The following ARFGAP3 variants were observed in gnomAD, a reference collection of about 807,000 sequenced individuals.
ARFGAP3 encodes the protein ARF GTPase activating protein 3, also known as ADP-ribosylation factor GTPase-activating protein 3.
In ARFGAP3, 72 loss-of-function variants were observed where a neutral mutation model predicts 75.0. The ratio of observed to expected loss-of-function variants is 0.96; its 90% confidence interval spans 0.79 to 1.17. The LOEUF (loss-of-function observed/expected upper bound fraction) is 1.17, where lower values mean the gene tolerates loss of function less well. Ranked by LOEUF, ARFGAP3 falls within the 50% of genes most tolerant of loss-of-function variation. The pLI is 0.00. For synonymous variants in ARFGAP3, 221 were observed against 217.9 expected, an observed-to-expected ratio of 1.01 and a Z score of -0.13; for missense variants, 620 against 626.6, an observed-to-expected ratio of 0.99 and a Z score of 0.11.
chr22:42,810,302 A>G (rs113279073), intron 12 of ARFGAP3, among the ~76,000 whole-genome samples: 5 of 152,112 alleles, frequency 3.3e-5, no homozygotes, highest in Admixed American at 6.6e-5. Context: ...CGTCTCTACT[A>G]AAAGTACAAA....
At chr22:42,853,895 A>G in intron 1 of ARFGAP3, 1 of 161,510 alleles carries the variant, frequency 6.2e-6, no homozygotes. Flanking sequence ...ACCATGCTGC[A>G]GAGAGCATGA....
intron 3 of ARFGAP3, among the ~76,000 whole-genome samples, chr22:42,837,793 G>C (rs1044319716): frequency 5.6e-5 from 8 of 141,944 alleles, no homozygotes; most frequent in African/African-American, 2.1e-4. Flanking sequence ...TGATTCTTCT[G>C]CCTCAGACTC....
intron 6 of ARFGAP3, among the ~76,000 whole-genome samples, chr22:42,830,415 C>T (rs1314278910): frequency 6.6e-6 from 1 of 152,202 alleles, no homozygotes; most frequent in Non-Finnish European, 1.5e-5. Flanking sequence ...GAAATTTTCT[C>T]AATACCATCA....
Position 42,810,708 on chromosome 22 carries a change from C to G in ARFGAP3, c.1196+105G>C, listed in dbSNP as rs575072705. On this transcript the variant is annotated intron_variant, in intron 12 of 15. Coordinates refer to ENST00000263245, the MANE Select transcript of ARFGAP3 (RefSeq NM_014570.5). The stretch of plus-strand genomic sequence containing the variant: ...TGCTGGGATTATGGGAATGAGCCGC[C>G]GTGCCCAGCCCCTTACAAGGGTTTT... The G allele has an allele frequency of 4.2e-6, 4 of 961,208 alleles. 1 individual carries two copies. In the East Asian group the frequency reaches 9.6e-5, roughly 23 times the overall value. The allele number at this position is 961,208 out of a possible 1,614,324, so 59.5% of individuals were successfully genotyped here.
Position 42,838,456 on chromosome 22 carries a change from C to T in ARFGAP3, c.261+2488G>A, listed in dbSNP as rs139148342. Among the ~76,000 whole-genome samples, 52 of 151,866 alleles carry T rather than the reference C, an allele frequency of 3.4e-4. No homozygotes were observed. In the East Asian group the frequency reaches 9.3e-3, roughly 27 times the overall value. On this transcript the variant is annotated intron_variant, in intron 3 of 15. Coordinates refer to ENST00000263245, the MANE Select transcript of ARFGAP3 (RefSeq NM_014570.5). ...GAGGCTATAGGCAGGTTCCACTATG[C>T]CTTGCTAATTTTTAAGTCTTTTGTA... is the stretch of plus-strand genomic sequence containing the variant.
At chr22:42,839,316 T>G (rs1926676009) in intron 3 of ARFGAP3, among the ~76,000 whole-genome samples, 2 of 151,656 alleles carry the variant, frequency 1.3e-5, no homozygotes, top group Non-Finnish European at 2.9e-5. Flanking sequence ...ATGGGTTTTT[T>G]GGTCGGGTGC....
rs936654159 is a variant in ARFGAP3, at chr22:42,827,547, G to A, written c.566-548C>T. 3.2e-4 allele frequency among the ~76,000 whole-genome samples: 48 copies of A among 152,126 alleles called. 1 individual carries two copies. Among genetic ancestry groups the A allele is most frequent in the African/African-American group, 1.2e-3 (48 of 41,428 alleles). ...ATGCCCGGCTAATTTTGTATTTTTA[G>A]TAGAGATGGGGTTTCTCCATGTTGG... On this transcript the variant is annotated intron_variant, in intron 6 of 15. Transcript: ENST00000263245.
chr22:42,801,041 G>A (rs1924832218), intron 14 of ARFGAP3, among the ~76,000 whole-genome samples: 1 of 152,196 alleles, frequency 6.6e-6, no homozygotes, highest in Non-Finnish European at 1.5e-5. Context: ...ACTAAAGTGT[G>A]ACCTGTGTCA....
chr22:42,822,608 C>A (rs6002958), intron 8 of ARFGAP3, 199 bp from the exon 9 acceptor site: 4,048 of 197,284 alleles, frequency 0.021, 148 homozygotes, highest in Admixed American at 0.094. Context: ...TTTCACGACC[C>A]TGTGGATAAC....
chr22:42,840,804 C>T, intron 3 of ARFGAP3, 140 bp downstream of exon 3: 1 of 857,814 alleles, frequency 1.2e-6, no homozygotes, highest in East Asian at 2.7e-5. Context: ...CAGTGATCCT[C>T]CCAAACGCCT....
chr22:42,840,070 A>G (rs1926710791), intron 3 of ARFGAP3, among the ~76,000 whole-genome samples: 1 of 152,058 alleles, frequency 6.6e-6, no homozygotes, highest in South Asian at 2.1e-4. Flanking sequence ...AGCTGGGACT[A>G]CAGGTATGCA....
chr22:42,851,969 T>C (rs1927294504), intron 1 of ARFGAP3, among the ~76,000 whole-genome samples: 1 of 152,202 alleles, frequency 6.6e-6, no homozygotes, highest in African/African-American at 2.4e-5. Flanking sequence ...CAGGGCCAGC[T>C]TCCTGGGCAT....
At chr22:42,824,989 C>A (rs1925976223) in intron 7 of ARFGAP3, among the ~76,000 whole-genome samples, 1 of 152,238 alleles carries the variant, frequency 6.6e-6, no homozygotes, top group Non-Finnish European at 1.5e-5. Flanking sequence ...TGGCCTCCAG[C>A]CATGTTGCTG....
chr22:42,840,383 C>G (rs1458826720), intron 3 of ARFGAP3, among the ~76,000 whole-genome samples: 1 of 152,070 alleles, frequency 6.6e-6, no homozygotes, highest in Non-Finnish European at 1.5e-5. Context: ...TCTCATAGGG[C>G]CTCCCAAACT....
At chr22:42,837,932 A>C (rs2146569660) in intron 3 of ARFGAP3, among the ~76,000 whole-genome samples, 1 of 150,742 alleles carries the variant, frequency 6.6e-6, no homozygotes, top group South Asian at 2.1e-4. Context: ...TCGGCCTCCC[A>C]AAGTTCTGGG....
intron 14 of ARFGAP3, among the ~76,000 whole-genome samples, chr22:42,806,389 G>GC (rs1925124768): frequency 1.3e-5 from 2 of 152,312 alleles, no homozygotes; most frequent in South Asian, 2.1e-4. Context: ...CTCACAGGCC[G>GC]CCCCATCCTA....
At chr22:42,844,699 C>T (rs572390978) in intron 2 of ARFGAP3, among the ~76,000 whole-genome samples, 6 of 152,186 alleles carry the variant, frequency 3.9e-5, no homozygotes, top group Admixed American at 6.5e-5. Flanking sequence ...CTATGTCCGG[C>T]CCCTCAGTTT....
chr22:42,834,746 G>A (rs777448118), intron 4 of ARFGAP3, among the ~76,000 whole-genome samples: 1 of 152,176 alleles, frequency 6.6e-6, no homozygotes, highest in Non-Finnish European at 1.5e-5. Context: ...AGTTGCCCAA[G>A]AAGCACATTC....
At chr22:42,803,451 G>C (rs927247834) in intron 14 of ARFGAP3, among the ~76,000 whole-genome samples, 8 of 152,230 alleles carry the variant, frequency 5.3e-5, no homozygotes, top group Non-Finnish European at 1.0e-4. Flanking sequence ...GCACTCCCAT[G>C]CAGACGTGCT....
Sources: gnomAD v4.1 joint callset for allele counts (sites outside exome capture counted in the v4.1 genomes callset) on GRCh38, gnomAD v4.1.1 for gene constraint, MANE v1.5 for transcripts, NCBI Gene and HGNC (gene_info 2026-07-23, HGNC 2026-07-21) for gene names.